Variants in KIRREL3 observed in about 807,000 individuals in gnomAD.
KIRREL3 encodes kirre like nephrin family adhesion molecule 3, also known as kin of IRRE-like protein 3.
Under a neutral mutation model 89.7 loss-of-function variants are expected in KIRREL3, and 36 were observed. The observed-to-expected ratio is 0.40, with a 90% CI of 0.31 to 0.53. The LOEUF (loss-of-function observed/expected upper bound fraction) is 0.53, where lower values mean the gene tolerates loss of function less well. KIRREL3 is among the 20% of genes least tolerant of loss of function. KIRREL3 has a pLI of 0.49. For synonymous variants in KIRREL3, 445 were observed against 441.4 expected, an observed-to-expected ratio of 1.01 and a Z score of -0.10; for missense variants, 864 against 1,056.6, an observed-to-expected ratio of 0.82 and a Z score of 2.53.
chr11:126,927,437 C>T (rs997881263), intron 1 of KIRREL3, among the ~76,000 whole-genome samples: 1 of 152,234 alleles, frequency 6.6e-6, no homozygotes, highest in East Asian at 1.9e-4. Context: ...TAGGAGTTAA[C>T]TCTGCCAGGC....
At chr11:126,500,631 T>C (rs1957825007) in intron 4 of KIRREL3, among the ~76,000 whole-genome samples, 1 of 151,640 alleles carries the variant, frequency 6.6e-6, no homozygotes, top group African/African-American at 2.4e-5. Context: ...TCCCAGCTAC[T>C]TGGGAGGCTG....
At position 126,954,624 on chromosome 11, in the gene KIRREL3, A is replaced by G. The variant is rs1181311034; in HGVS notation, c.55+45831T>C. Among the ~76,000 whole-genome samples the G allele has an allele frequency of 1.3e-5, 2 of 151,982 alleles. No individual in the cohort carries two copies. Among genetic ancestry groups the G allele is most frequent in the African/African-American group, 2.4e-5 (1 of 41,366 alleles). The stretch of plus-strand genomic sequence containing the variant: ...GTGAGAGCATCTTCCCAAACCCTAC[A>G]AGATGGCTTGATTCACAACACTATA... On this transcript the variant is annotated intron_variant, in intron 1 of 16. Transcript: ENST00000525144. This position sits in a 1 kb window ranked among gnomAD's most constrained non-coding sequence, Gnocchi z 4.1.
At position 126,796,082 on chromosome 11, in the gene KIRREL3, T is replaced by C. The variant is rs1011624227; in HGVS notation, c.55+204373A>G. Among the ~76,000 whole-genome samples, 1 of 152,076 alleles carries C rather than the reference T, an allele frequency of 6.6e-6. No individual in the cohort carries two copies. The highest frequency in any genetic ancestry group is 6.5e-5 in the Admixed American group (1 of 15,268). On this transcript the variant is annotated intron_variant, in intron 1 of 16. Transcript: ENST00000525144. This position sits in a 1 kb window ranked among gnomAD's most constrained non-coding sequence, Gnocchi z 5.1. ...TAGACTAACCTTTCAATGGGACACG[T>C]TTTTATCCATGGGGTCCATGGATCT... is the stretch of plus-strand genomic sequence containing the variant.
In KIRREL3 at chr11:126,791,833, G is replaced by A. The variant is rs1265371908; in HGVS notation, c.55+208622C>T. ...GAGGGACAGTTGTGGGGCTGTAGGG[G>A]CGGTTTCTCAGAGTGTGAGGTATGG... On this transcript the variant is annotated intron_variant, in intron 1 of 16. Coordinates refer to ENST00000525144, the MANE Select transcript of KIRREL3 (RefSeq NM_032531.4). The surrounding 1 kb of genome is among the most constrained non-coding windows in gnomAD (Gnocchi z 4.8). Among the ~76,000 whole-genome samples the A allele has an allele frequency of 6.6e-6, 1 of 152,182 alleles. No individual in the cohort carries two copies. Among genetic ancestry groups the A allele is most frequent in the Non-Finnish European group, 1.5e-5 (1 of 68,036 alleles).
In KIRREL3 at chr11:126,540,026, A is replaced by G. The variant is rs568189111; in HGVS notation, c.134-13339T>C. ...TGCACAGGTTTTGAACCATATCGGG[A>G]TGGCAAGAGATCATCTAACCTAATC... On this transcript the variant is annotated intron_variant, in intron 2 of 16. Coordinates refer to ENST00000525144, the MANE Select transcript of KIRREL3 (RefSeq NM_032531.4). Among the ~76,000 whole-genome samples the G allele has an allele frequency of 1.4e-4, 22 of 152,332 alleles. No individual in the cohort carries two copies. In the South Asian group the frequency reaches 4.1e-3, roughly 29 times the overall value.
chr11:126,549,500 T>TCCAGCGCA (rs775418530), intron 2 of KIRREL3: 13 of 152,298 alleles, frequency 8.5e-5, no homozygotes, highest in Non-Finnish European at 1.3e-4. Context: ...ACCTGCTCAT[T>TCCAGCGCA]CCAGCGCACG....
intron 1 of KIRREL3, among the ~76,000 whole-genome samples, chr11:126,865,765 T>A (rs1944898960): frequency 6.6e-6 from 1 of 152,200 alleles, no homozygotes; most frequent in African/African-American, 2.4e-5. Flanking sequence ...CACAAAGAAG[T>A]ACAGAAGTTT....
rs1341477723 is a variant in KIRREL3, at chr11:126,571,766, C to CG, written c.56-8855dup. On this transcript the variant is annotated intron_variant, in intron 1 of 16. Transcript: ENST00000525144. This position sits in a 1 kb window ranked among gnomAD's most constrained non-coding sequence, Gnocchi z 7.7. ...TAATCCGTTTGTGAGAGGGGTGGGG[C>CG]GGGGGGATGTTAAATAATGTTGGTT... Among the ~76,000 whole-genome samples the CG allele has an allele frequency of 2.0e-5, 3 of 151,624 alleles. No homozygotes were observed. The highest frequency in any genetic ancestry group is 2.1e-4 in the South Asian group (1 of 4,774).
chr11:126,820,699 G>A (rs1231171771), intron 1 of KIRREL3, among the ~76,000 whole-genome samples: 1 of 152,058 alleles, frequency 6.6e-6, no homozygotes, highest in African/African-American at 2.4e-5. Flanking sequence ...CAAGGCACAA[G>A]CAGAGTCTCA....
At chr11:126,798,548 T>C (rs1465873900) in intron 1 of KIRREL3, among the ~76,000 whole-genome samples, 3 of 152,224 alleles carry the variant, frequency 2.0e-5, no homozygotes, top group African/African-American at 7.2e-5. Context: ...GCTGGCTTTA[T>C]GGATTAGTAT....
chr11:126,821,211 G>C (rs1394833818), intron 1 of KIRREL3, among the ~76,000 whole-genome samples: 1 of 151,650 alleles, frequency 6.6e-6, no homozygotes, highest in Non-Finnish European at 1.5e-5. Context: ...CCTAGACAAG[G>C]CTTCTCTCCC....
At position 126,570,262 on chromosome 11, in the gene KIRREL3, A is replaced by G. The variant is rs1940826193; in HGVS notation, c.56-7350T>C. Among the ~76,000 whole-genome samples, 1 of 152,140 alleles carries G rather than the reference A, an allele frequency of 6.6e-6. No individual in the cohort carries two copies. Among genetic ancestry groups the G allele is most frequent in the Non-Finnish European group, 1.5e-5 (1 of 68,052 alleles). On this transcript the variant is annotated intron_variant, in intron 1 of 16. Coordinates refer to ENST00000525144, the MANE Select transcript of KIRREL3 (RefSeq NM_032531.4). The surrounding 1 kb of genome is among the most constrained non-coding windows in gnomAD (Gnocchi z 6.1). Reference sequence around the variant, plus strand: ...ATTGCTTCTTCATTGCTTATTTCATATGAGTTAATTATACTAGAACTAAGT... The same window carrying G: ...ATTGCTTCTTCATTGCTTATTTCATGTGAGTTAATTATACTAGAACTAAGT...
rs1363476792 is a variant in KIRREL3, at chr11:126,569,765, T to G, written c.56-6853A>C. The stretch of plus-strand genomic sequence containing the variant: ...GGTCCTTGCAAAAGGCCTTGAAAGC[T>G]GGAGATTGTCCCTAGTTTTGTCTTA... On this transcript the variant is annotated intron_variant, in intron 1 of 16. Coordinates refer to ENST00000525144, the MANE Select transcript of KIRREL3 (RefSeq NM_032531.4). The surrounding 1 kb of genome is among the most constrained non-coding windows in gnomAD (Gnocchi z 6.5). Among the ~76,000 whole-genome samples the G allele has an allele frequency of 6.6e-6, 1 of 152,214 alleles. No homozygotes were observed. Among genetic ancestry groups the G allele is most frequent in the East Asian group, 1.9e-4 (1 of 5,204 alleles).
intron 1 of KIRREL3, among the ~76,000 whole-genome samples, chr11:126,674,632 A>C (rs1461045070): frequency 1.3e-5 from 2 of 152,104 alleles, no homozygotes; most frequent in African/African-American, 2.4e-5. Flanking sequence ...GGACCTACAA[A>C]AGGAGATTCT....
chr11:126,844,340 C>T lies in KIRREL3; in HGVS notation c.55+156115G>A, dbSNP rs190053930. ...CAGAAGGGACAATACTAAGGAAACC[C>T]CAGACCCAAAGGCTAACCTTGGGTA... is the stretch of plus-strand genomic sequence containing the variant. On this transcript the variant is annotated intron_variant, in intron 1 of 16. Transcript: ENST00000525144. The surrounding 1 kb of genome is among the most constrained non-coding windows in gnomAD (Gnocchi z 4.8). 3.3e-4 allele frequency among the ~76,000 whole-genome samples: 51 copies of T among 152,248 alleles called. No individual in the cohort carries two copies. The highest frequency in any genetic ancestry group is 1.1e-3 in the African/African-American group (47 of 41,546).
intron 1 of KIRREL3, among the ~76,000 whole-genome samples, chr11:126,602,169 C>G (rs536722276): frequency 7.9e-5 from 12 of 152,292 alleles, no homozygotes; most frequent in African/African-American, 2.9e-4. Context: ...TTCTGTTTTG[C>G]CTTTTGATGA....
At chr11:126,851,363 T>C (rs1002605231) in intron 1 of KIRREL3, among the ~76,000 whole-genome samples, 1 of 152,200 alleles carries the variant, frequency 6.6e-6, no homozygotes, top group East Asian at 1.9e-4. Context: ...TTGGGGTGCA[T>C]ATGTGACTGA....
chr11:126,566,002 T>A lies in KIRREL3; in HGVS notation c.56-3090A>T, dbSNP rs1040331608. Among the ~76,000 whole-genome samples, 62 of 152,164 alleles carry A rather than the reference T, an allele frequency of 4.1e-4. No individual in the cohort carries two copies. Among genetic ancestry groups the A allele is most frequent in the Non-Finnish European group, 5.9e-4 (40 of 68,020 alleles). On this transcript the variant is annotated intron_variant, in intron 1 of 16. Coordinates refer to ENST00000525144, the MANE Select transcript of KIRREL3 (RefSeq NM_032531.4). This position sits in a 1 kb window ranked among gnomAD's most constrained non-coding sequence, Gnocchi z 4.9. ...CCTTCCTTGTCCCATAGCATGGAGA[T>A]GAATGGGAGAGTCAGATCACAGATG...
intron 1 of KIRREL3, among the ~76,000 whole-genome samples, chr11:126,670,873 A>G (rs980410020): frequency 6.6e-6 from 1 of 152,254 alleles, no homozygotes; most frequent in Non-Finnish European, 1.5e-5. Flanking sequence ...AGTCACCACA[A>G]TACTAAATAA....
Sources: allele counts gnomAD v4.1 joint callset (sites outside exome capture counted in the v4.1 genomes callset), GRCh38; gene constraint gnomAD v4.1.1; non-coding constraint Gnocchi (gnomAD v3.1); transcripts MANE v1.5; gene names NCBI Gene and HGNC (gene_info 2026-07-23, HGNC 2026-07-21).